COL24A1: variants seen among roughly 807,000 people sequenced by gnomAD.
COL24A1 encodes collagen type XXIV alpha 1 chain, also known as collagen alpha-1(XXIV) chain.
COL24A1 carries 224 observed loss-of-function variants against 253.9 expected under a neutral mutation model. That is an observed-to-expected ratio of 0.88 (90% CI 0.79 to 0.99). The LOEUF is 0.99. Ranked by LOEUF, COL24A1 falls within the 50% of genes least tolerant of loss-of-function variation. COL24A1 has a pLI of 0.00. For synonymous variants in COL24A1, 685 were observed against 673.7 expected (o/e 1.02, Z -0.26); for missense variants, 2,131 against 2,068.5 (o/e 1.03, Z -0.59).
chr1:85,794,123 T>C (rs1278530237), intron 47 of COL24A1, among the ~76,000 whole-genome samples: 2 of 152,156 alleles, frequency 1.3e-5, no homozygotes. Context: ...TTAGGTTGTC[T>C]TGCAAGTTTG....
At chr1:86,031,811 C>T (rs1698593952) in intron 14 of COL24A1, 67 bp downstream of exon 14, 1 of 1,302,604 alleles carries the variant, frequency 7.7e-7, no homozygotes, top group East Asian at 2.4e-5. Flanking sequence ...TTCAAAAACA[C>T]ATCTAACACA....
chr1:86,028,570 C>G (rs985825619), intron 14 of COL24A1, among the ~76,000 whole-genome samples: 3 of 152,168 alleles, frequency 2.0e-5, no homozygotes, highest in Admixed American at 6.5e-5. Flanking sequence ...TGAGGCCTCC[C>G]CAGCAATGTG....
chr1:85,854,955 G>A (rs1678260464), intron 37 of COL24A1, among the ~76,000 whole-genome samples: 1 of 151,976 alleles, frequency 6.6e-6, no homozygotes, highest in South Asian at 2.1e-4. Context: ...ACCTGCCTCG[G>A]CCTCCCAAAT....
At chr1:85,944,014 A>T (rs1688997375) in intron 24 of COL24A1, among the ~76,000 whole-genome samples, 1 of 152,230 alleles carries the variant, frequency 6.6e-6, no homozygotes, top group Non-Finnish European at 1.5e-5. Context: ...AAAACATTGA[A>T]CTTTCCCAGT....
rs368053899 is a variant in COL24A1 at position 86,125,815 on chromosome 1, C to A, written c.521G>T (p.Ser174Ile). 1.9e-6 allele frequency: 3 copies of A among 1,613,240 alleles called. No individual in the cohort carries two copies. The highest frequency in any genetic ancestry group is 2.5e-6 in the Non-Finnish European group (3 of 1,179,712). ...HSFAITIRNQSVSMFVECGKK... is the reference protein window; with the variant it reads ...HSFAITIRNQIVSMFVECGKK... ...TCCACACTCAACAAACATTGAGACACTTTGGTTTCTAATAGTAATGGCAAA... is the reference window on the plus strand; with the variant it reads ...TCCACACTCAACAAACATTGAGACAATTTGGTTTCTAATAGTAATGGCAAA... The change falls in exon 3 of 60, where the codon AGT (serine) becomes ATT (isoleucine). Residue 174 changes from serine to isoleucine, a missense_variant. Transcript: ENST00000370571.
At chr1:86,143,893 T>C (rs1486096121) in intron 2 of COL24A1, among the ~76,000 whole-genome samples, 1 of 152,140 alleles carries the variant, frequency 6.6e-6, no homozygotes, top group African/African-American at 2.4e-5. Flanking sequence ...CACTCAAACA[T>C]ATTCAGCAGT....
chr1:85,745,857 A>C (rs1665155186), intron 55 of COL24A1, among the ~76,000 whole-genome samples: 1 of 152,238 alleles, frequency 6.6e-6, no homozygotes, highest in Non-Finnish European at 1.5e-5. Context: ...TGTAAAGTGA[A>C]GAATAAATAA....
chr1:86,123,300 A>G (rs1484204716), intron 3 of COL24A1, among the ~76,000 whole-genome samples: 4 of 150,928 alleles, frequency 2.7e-5, no homozygotes, highest in Non-Finnish European at 5.9e-5. Context: ...TGAATAGCTC[A>G]GCTTTAAGTG....
intron 6 of COL24A1, 96 bp from the exon 7 acceptor site, chr1:86,089,323 T>C (rs1338774297): frequency 6.3e-6 from 6 of 954,502 alleles, no homozygotes; most frequent in Non-Finnish European, 9.7e-6. Flanking sequence ...GGACATCAGC[T>C]CTTATTACAA....
At chr1:85,952,801 G>A (rs981211313) in intron 24 of COL24A1, among the ~76,000 whole-genome samples, 5 of 151,994 alleles carry the variant, frequency 3.3e-5, no homozygotes, top group Non-Finnish European at 5.9e-5. Context: ...ATACTCCCTG[G>A]CCCTTTATAA....
chr1:86,141,740 A>T (rs1036420505), intron 2 of COL24A1, among the ~76,000 whole-genome samples: 1 of 150,298 alleles, frequency 6.7e-6, no homozygotes, highest in African/African-American at 2.5e-5. Context: ...TCACTCTGTC[A>T]GCCAGGCTGG....
chr1:86,137,331 CA>C (rs1453267392), intron 2 of COL24A1, among the ~76,000 whole-genome samples: 2 of 152,058 alleles, frequency 1.3e-5, no homozygotes, highest in Non-Finnish European at 2.9e-5. Flanking sequence ...TTCCATGTAC[CA>C]AGCACTATTC....
rs1166100256 is a variant in COL24A1, at chr1:85,857,474, GA to G, written c.3301-8069del. Among the ~76,000 whole-genome samples, 882 of 114,796 alleles carry G rather than the reference GA, an allele frequency of 7.7e-3. 29 individuals carry two copies. The South Asian group carries it at 0.12, about 15-fold the overall frequency. The allele number at this position is 114,796 out of a possible 152,430, so 75.3% of individuals were successfully genotyped here. On this transcript the variant is annotated intron_variant, in intron 37 of 59. Coordinates refer to ENST00000370571, the MANE Select transcript of COL24A1 (RefSeq NM_152890.7). ...CCTCTTCTCCAAAAAAAAAAAAAAA[GA>G]AAAAAAAAAAGACAAAGAAAAAAAT...
At chr1:85,922,219 A>G (rs948185233) in intron 24 of COL24A1, among the ~76,000 whole-genome samples, 1 of 152,226 alleles carries the variant, frequency 6.6e-6, no homozygotes, top group Non-Finnish European at 1.5e-5. Context: ...GATGGGGAGA[A>G]TGGAACCAAG....
chr1:86,125,930 G>A lies in COL24A1; in HGVS notation c.406C>T (p.Gln136Ter). 2 of 1,613,354 alleles carry A rather than the reference G, an allele frequency of 1.2e-6. No individual in the cohort carries two copies. The highest frequency in any genetic ancestry group is 1.7e-6 in the Non-Finnish European group (2 of 1,179,706). ...ACTACTAATTTTTTAGGTAGTAATT[G>A]TACTCCTAATTGCAGTCTATTTTTA... ...RNKNRLQLGV[Q>*]LLPKKLVVHI... The change falls in exon 3 of 60, where the codon CAA becomes TAA. Residue 136 changes from glutamine (Q) to a stop codon, truncating the protein, a stop_gained. Coordinates refer to ENST00000370571, the MANE Select transcript of COL24A1 (RefSeq NM_152890.7). LOFTEE classifies it high-confidence loss of function.
chr1:85,974,205 A>G (rs2100795348), intron 20 of COL24A1, among the ~76,000 whole-genome samples: 2 of 152,276 alleles, frequency 1.3e-5, no homozygotes, highest in Admixed American at 6.5e-5. Context: ...GAGAAAACTT[A>G]AACACTAATA....
intron 24 of COL24A1, among the ~76,000 whole-genome samples, chr1:85,922,810 C>CATAA (rs1686682852): frequency 1.3e-5 from 2 of 152,140 alleles, no homozygotes; most frequent in Admixed American, 1.3e-4. Context: ...CAAATTCACA[C>CATAA]ATAACAATAT....
chr1:85,916,854 T>C (rs1227078225), intron 24 of COL24A1, among the ~76,000 whole-genome samples: 2 of 152,188 alleles, frequency 1.3e-5, no homozygotes, highest in Non-Finnish European at 2.9e-5. Flanking sequence ...TTATATATAG[T>C]AAAATTGAAG....
intron 8 of COL24A1, among the ~76,000 whole-genome samples, chr1:86,061,261 A>G (rs1701073096): frequency 6.6e-6 from 1 of 152,106 alleles, no homozygotes; most frequent in Non-Finnish European, 1.5e-5. Flanking sequence ...ACCTTCCTAT[A>G]TGCCCCATCC....
Sources: gnomAD v4.1 joint callset for allele counts (sites outside exome capture counted in the v4.1 genomes callset) on GRCh38, gnomAD v4.1.1 for gene constraint, MANE v1.5 for transcripts, NCBI Gene and HGNC (gene_info 2026-07-23, HGNC 2026-07-21) for gene names.